STPG4: variants seen among roughly 807,000 people sequenced by gnomAD.
STPG4 encodes the protein protein STPG4.
A neutral mutation model predicts 31.5 loss-of-function variants in STPG4; 41 were observed. That is an observed-to-expected ratio of 1.30 (90% CI 1.01 to 1.69). The LOEUF is 1.69. Among genes scored for constraint, STPG4 ranks in the 40% most tolerant of loss-of-function variants. The pLI is 0.00. For synonymous variants in STPG4, 141 were observed against 103.0 expected, an observed-to-expected ratio of 1.37 and a Z score of -2.24; for missense variants, 375 against 293.4, an observed-to-expected ratio of 1.28 and a Z score of -2.03.
intron 5 of STPG4, among the ~76,000 whole-genome samples, chr2:47,121,973 T>C (rs980557822): frequency 7.2e-5 from 11 of 152,030 alleles, no homozygotes; most frequent in African/African-American, 2.4e-4. Flanking sequence ...CTCTGCCATG[T>C]AAGGTAACAT....
intron 5 of STPG4, among the ~76,000 whole-genome samples, chr2:47,125,074 G>C (rs1266181546): frequency 6.6e-6 from 1 of 152,106 alleles, no homozygotes; most frequent in East Asian, 1.9e-4. Context: ...GTCTTCTTTT[G>C]AGAAATGTCT....
At chr2:47,096,983 A>G (rs1156584855) in intron 5 of STPG4, among the ~76,000 whole-genome samples, 1 of 152,114 alleles carries the variant, frequency 6.6e-6, no homozygotes, top group African/African-American at 2.4e-5. Context: ...GAGGCAAGTG[A>G]TATGAGGAAG....
chr2:47,109,718 T>C (rs1267390815), intron 5 of STPG4, among the ~76,000 whole-genome samples: 5 of 152,234 alleles, frequency 3.3e-5, no homozygotes, highest in Non-Finnish European at 5.9e-5. Context: ...CAGAAATCAA[T>C]TTTCTGGTTT....
intron 5 of STPG4, among the ~76,000 whole-genome samples, chr2:47,093,024 C>G (rs998973300): frequency 2.6e-5 from 4 of 152,204 alleles, no homozygotes; most frequent in African/African-American, 7.2e-5. Context: ...AACTCCTGAC[C>G]TCATGATCTG....
At chr2:47,112,907 G>T (rs1411520964) in intron 5 of STPG4, among the ~76,000 whole-genome samples, 1 of 150,232 alleles carries the variant, frequency 6.7e-6, no homozygotes, top group East Asian at 1.9e-4. Context: ...TGGGAGGATT[G>T]CTTGAGCCCG....
At chr2:47,114,830 C>T (rs1686113378) in intron 5 of STPG4, among the ~76,000 whole-genome samples, 1 of 152,104 alleles carries the variant, frequency 6.6e-6, no homozygotes, top group Non-Finnish European at 1.5e-5. Flanking sequence ...TGCAGTGGTA[C>T]GATCTTGGCT....
At chr2:47,105,142 A>C (rs1276056704) in intron 5 of STPG4, among the ~76,000 whole-genome samples, 1 of 151,882 alleles carries the variant, frequency 6.6e-6, no homozygotes, top group African/African-American at 2.4e-5. Flanking sequence ...AAGCCTTCCC[A>C]CAGGACAGAA....
At chr2:47,138,393 GTTT>G (rs869102317) in intron 3 of STPG4, among the ~76,000 whole-genome samples, 3 of 138,460 alleles carry the variant, frequency 2.2e-5, no homozygotes, top group East Asian at 4.1e-4. Context: ...ATTTGTTAAG[GTTT>G]TTTTTTTTTT....
At chr2:47,127,252 C>CTTTTTTTTGTTTTTTTT (rs1686383380) in intron 5 of STPG4, among the ~76,000 whole-genome samples, 1 of 57,456 alleles carries the variant, frequency 1.7e-5, no homozygotes, top group Non-Finnish European at 2.8e-5. Context: ...CAAGCTAATT[C>CTTTTTTTTGTTTTTTTT]TTTTTTTTTT....
Position 47,087,098 on chromosome 2 carries a change from T to TA in STPG4, c.656dup (p.Leu219PhefsTer6), listed in dbSNP as rs1170399626. 2 of 1,551,798 alleles carry TA rather than the reference T, an allele frequency of 1.3e-6. No individual in the cohort carries two copies. The highest frequency in any genetic ancestry group is 4.9e-5 in the East Asian group (2 of 40,924). ...TCGGAGACTGCTTAGGGAATTGTCT[T>TA]AAAGTTGTATATGCTCCTGGGCCTG... is the stretch of plus-strand genomic sequence containing the variant. On this transcript the variant is annotated frameshift_variant, in exon 7 of 7. Coordinates refer to ENST00000445927, the MANE Select transcript of STPG4 (RefSeq NM_001163561.2). LOFTEE classifies it high-confidence loss of function.
intron 6 of STPG4, among the ~76,000 whole-genome samples, chr2:47,088,742 C>A (rs115770235): frequency 3.3e-5 from 5 of 152,204 alleles, no homozygotes; most frequent in Admixed American, 6.5e-5. Flanking sequence ...CAGCTGCCTG[C>A]AGAAACCGCT....
intron 5 of STPG4, among the ~76,000 whole-genome samples, chr2:47,095,426 T>C (rs1685650439): frequency 6.6e-6 from 1 of 152,206 alleles, no homozygotes; most frequent in African/African-American, 2.4e-5. Flanking sequence ...GAGCTGCGAA[T>C]GAGGCATGAA....
chr2:47,089,060 T>A (rs776155414), intron 6 of STPG4, among the ~76,000 whole-genome samples: 2 of 152,084 alleles, frequency 1.3e-5, no homozygotes, highest in Non-Finnish European at 2.9e-5. Context: ...CCATGAAAAT[T>A]TTCTATAAGG....
At chr2:47,091,691 A>T (rs1237104003) in intron 5 of STPG4, among the ~76,000 whole-genome samples, 27 of 152,220 alleles carry the variant, frequency 1.8e-4, no homozygotes. Context: ...TTGACTAGGT[A>T]TATGAGGTTT....
At chr2:47,120,802 A>AT (rs1459508517) in intron 5 of STPG4, among the ~76,000 whole-genome samples, 2 of 152,086 alleles carry the variant, frequency 1.3e-5, no homozygotes, top group Non-Finnish European at 2.9e-5. Flanking sequence ...ATCTGAAAAA[A>AT]TTTTTGAAGG....
chr2:47,091,109 A>C (rs1685560932), intron 5 of STPG4, among the ~76,000 whole-genome samples: 1 of 139,732 alleles, frequency 7.2e-6, no homozygotes, highest in South Asian at 2.5e-4. Flanking sequence ...AGAGAGAGGA[A>C]GGAAGAAAGG....
intron 5 of STPG4, among the ~76,000 whole-genome samples, chr2:47,099,059 G>C (rs1418647113): frequency 6.6e-6 from 1 of 152,224 alleles, no homozygotes; most frequent in Non-Finnish European, 1.5e-5. Context: ...TCTGCAAAGA[G>C]AGAAAATATG....
intron 2 of STPG4, among the ~76,000 whole-genome samples, 171 bp downstream of exon 2, chr2:47,152,786 G>C (rs55917773): frequency 6.6e-6 from 1 of 152,144 alleles, no homozygotes; most frequent in African/African-American, 2.4e-5. Flanking sequence ...TTAAAAGTTA[G>C]TTTCTTATTC....
intron 5 of STPG4, among the ~76,000 whole-genome samples, 177 bp from the exon 6 acceptor site, chr2:47,090,551 G>A (rs1685550833): frequency 6.6e-6 from 1 of 152,202 alleles, no homozygotes; most frequent in African/African-American, 2.4e-5. Flanking sequence ...TGAAACGGGA[G>A]TAACTCCTGC....
Sources: allele counts gnomAD v4.1 joint callset (sites outside exome capture counted in the v4.1 genomes callset), GRCh38; gene constraint gnomAD v4.1.1; transcripts MANE v1.5; gene names NCBI Gene and HGNC (gene_info 2026-07-23, HGNC 2026-07-21).